Variants in NTN1 observed in about 807,000 individuals in gnomAD.
NTN1 encodes netrin 1.
NTN1 carries 11 observed loss-of-function variants against 54.2 expected under a neutral mutation model. The observed-to-expected ratio is 0.20, with a 90% CI of 0.13 to 0.34. The LOEUF (loss-of-function observed/expected upper bound fraction) is 0.34. Ranked by LOEUF, NTN1 falls within the 10% of genes least tolerant of loss-of-function variation. NTN1 has a pLI of 1.00. For synonymous variants in NTN1, 371 were observed against 382.0 expected, an observed-to-expected ratio of 0.97 and a Z score of 0.33; for missense variants, 740 against 893.1, an observed-to-expected ratio of 0.83 and a Z score of 2.18.
rs55982115 is a variant in NTN1 at position 9,038,265 on chromosome 17, C to CACACACACACA, written c.1018+14874_1018+14875insACACACACACA. ...TGTCTTCTCCTCTCTTTCTCTCTCT[C>CACACACACACA]CACACACACACACACCTGAGATCAC... On this transcript the variant is annotated intron_variant, in intron 2 of 6. Transcript: ENST00000173229. Among the ~76,000 whole-genome samples, 47 of 144,138 alleles carry CACACACACACA rather than the reference C, an allele frequency of 3.3e-4. 1 individual carries two copies. The South Asian group carries it at 4.2e-3, about 13-fold the overall frequency. 94.6% of individuals were successfully genotyped at this position (144,138 alleles called of 152,430 possible). A position where few individuals can be genotyped will look rare whatever the true frequency, so the allele number is the denominator to read the frequency against.
At chr17:9,233,964 G>A (rs1905896896) in intron 6 of NTN1, among the ~76,000 whole-genome samples, 1 of 152,182 alleles carries the variant, frequency 6.6e-6, no homozygotes, top group African/African-American at 2.4e-5. Flanking sequence ...CACCCAGCCT[G>A]CCCTGGGCCT....
intron 5 of NTN1, among the ~76,000 whole-genome samples, chr17:9,186,667 C>G: frequency 6.6e-6 from 1 of 152,204 alleles, no homozygotes; most frequent in East Asian, 1.9e-4. Context: ...GCAGCTGAAC[C>G]TCTCCGAGAA....
chr17:9,113,456 C>T (rs1226499962), intron 2 of NTN1, among the ~76,000 whole-genome samples: 1 of 152,150 alleles, frequency 6.6e-6, no homozygotes, highest in Non-Finnish European at 1.5e-5. Flanking sequence ...TCATTATTTG[C>T]TGACTATTCA....
chr17:9,090,000 C>T (rs1219628761), intron 2 of NTN1, among the ~76,000 whole-genome samples: 1 of 152,018 alleles, frequency 6.6e-6, no homozygotes, highest in Non-Finnish European at 1.5e-5. Context: ...GCCTGTCTAT[C>T]CTTTTGAGGC....
rs531941961 is a variant in NTN1, at chr17:9,186,401, G to A, written c.1411+3432G>A. ...TTTGAGGGATCACAGCTGCCTTTGC[G>A]TGGAAGCTGGACCCAGGGCTCTGGG... On this transcript the variant is annotated intron_variant, in intron 5 of 6. Coordinates refer to ENST00000173229, the MANE Select transcript of NTN1 (RefSeq NM_004822.3). Among the ~76,000 whole-genome samples the A allele has an allele frequency of 5.7e-4, 87 of 152,346 alleles. No homozygotes were observed. The Middle Eastern group carries it at 0.01, about 18-fold the overall frequency.
At chr17:9,218,262 G>A (rs9899990) in intron 5 of NTN1, among the ~76,000 whole-genome samples, 17,759 of 152,172 alleles carry the variant, frequency 0.12, 1,286 homozygotes, top group African/African-American at 0.2. Flanking sequence ...GCCTCATTGG[G>A]CACACGACCT....
chr17:9,044,075 G>A (rs2091932631), intron 2 of NTN1, among the ~76,000 whole-genome samples: 1 of 151,900 alleles, frequency 6.6e-6, no homozygotes, highest in African/African-American at 2.4e-5. Flanking sequence ...TTTGATTTGT[G>A]CTGCTCTCAT....
At chr17:9,109,868 G>A (rs1049582917) in intron 2 of NTN1, among the ~76,000 whole-genome samples, 1 of 152,228 alleles carries the variant, frequency 6.6e-6, no homozygotes, top group African/African-American at 2.4e-5. Flanking sequence ...TGATTATTGT[G>A]AGGTTAAGCA....
At chr17:9,006,097 GT>G in the NTN1 span, among the ~76,000 whole-genome samples, 1 of 151,764 alleles carries the variant, frequency 6.6e-6, no homozygotes, top group Non-Finnish European at 1.5e-5. Flanking sequence ...GAGGTGTGAA[GT>G]GGGCGGTGGA....
At chr17:9,081,823 T>C (rs1216949323) in intron 2 of NTN1, among the ~76,000 whole-genome samples, 1 of 152,212 alleles carries the variant, frequency 6.6e-6, no homozygotes, top group Non-Finnish European at 1.5e-5. Flanking sequence ...TGGCTGCACA[T>C]TGAAGAAAGT....
intron 2 of NTN1, 40 bp downstream of exon 2, chr17:9,023,431 C>A: frequency 7.4e-7 from 1 of 1,343,058 alleles, no homozygotes; most frequent in South Asian, 2.0e-5. Flanking sequence ...GCGGGTGGGG[C>A]CGCGGGCGGG....
intron 6 of NTN1, among the ~76,000 whole-genome samples, chr17:9,223,683 C>G (rs1003213377): frequency 3.3e-5 from 5 of 152,226 alleles, no homozygotes; most frequent in Non-Finnish European, 7.3e-5. Context: ...CTCCACTCCC[C>G]TAGGCAGCCC....
At chr17:9,128,620 C>G (rs1326873675) in intron 2 of NTN1, among the ~76,000 whole-genome samples, 1 of 152,202 alleles carries the variant, frequency 6.6e-6, no homozygotes, top group Non-Finnish European at 1.5e-5. Flanking sequence ...AAGGCTGCAC[C>G]TGGTCGTTTT....
chr17:9,159,347 G>T (rs2092351352), intron 2 of NTN1, among the ~76,000 whole-genome samples: 1 of 152,142 alleles, frequency 6.6e-6, no homozygotes, highest in South Asian at 2.1e-4. Context: ...TTTTCTCTCA[G>T]ACAGAGTGGC....
Position 9,067,382 on chromosome 17 carries a change from G to A in NTN1, c.1018+43991G>A, listed in dbSNP as rs549337734. The stretch of plus-strand genomic sequence containing the variant: ...GTATGAAGCAGGGGTATGTGTTCTG[G>A]GTGAGCCATAGAAGATAATAAATGT... On this transcript the variant is annotated intron_variant, in intron 2 of 6. Transcript: ENST00000173229. Among the ~76,000 whole-genome samples the A allele has an allele frequency of 2.7e-4, 41 of 152,222 alleles. 1 individual carries two copies. The highest frequency in any genetic ancestry group is 9.9e-4 in the African/African-American group (41 of 41,540).
chr17:9,056,557 AC>A (rs1419987156), intron 2 of NTN1, among the ~76,000 whole-genome samples: 1 of 152,174 alleles, frequency 6.6e-6, no homozygotes, highest in Admixed American at 6.5e-5. Context: ...TGAGTTAGAG[AC>A]CACCAAGTAG....
Position 9,205,581 on chromosome 17 carries a change from C to A in NTN1, c.1412-15587C>A, listed in dbSNP as rs552287588. Among the ~76,000 whole-genome samples the A allele has an allele frequency of 1.8e-3, 274 of 152,362 alleles. 1 individual carries two copies. The highest frequency in any genetic ancestry group is 6.3e-3 in the African/African-American group (263 of 41,574). ...GAGGCTGCAGTGAGCTGTGATTGCG[C>A]CTCTGCGCTCCAGCTGGGGTGACAA... On this transcript the variant is annotated intron_variant, in intron 5 of 6. Coordinates refer to ENST00000173229, the MANE Select transcript of NTN1 (RefSeq NM_004822.3).
intron 5 of NTN1, among the ~76,000 whole-genome samples, chr17:9,191,151 G>C (rs1251489036): frequency 6.6e-6 from 1 of 152,144 alleles, no homozygotes; most frequent in East Asian, 1.9e-4. Flanking sequence ...AAGCATAAAA[G>C]GAAAGATTTT....
At chr17:9,062,131 G>A (rs1238369005) in intron 2 of NTN1, among the ~76,000 whole-genome samples, 1 of 152,088 alleles carries the variant, frequency 6.6e-6, no homozygotes, top group Non-Finnish European at 1.5e-5. Flanking sequence ...CATCTCAGTA[G>A]ATTTTTAGTC....
Sources: gnomAD v4.1 joint callset for allele counts (sites outside exome capture counted in the v4.1 genomes callset) on GRCh38, gnomAD v4.1.1 for gene constraint, MANE v1.5 for transcripts, NCBI Gene and HGNC (gene_info 2026-07-23, HGNC 2026-07-21) for gene names.